Variants in SH3D21 observed in about 807,000 individuals in gnomAD.
SH3D21 encodes manchette microtubule inner protein 1.
SH3D21 carries 83 observed loss-of-function variants against 82.1 expected under a neutral mutation model. The observed-to-expected ratio is 1.01, with a 90% CI of 0.85 to 1.21. The LOEUF is 1.21. Ranked by LOEUF, SH3D21 falls within the 50% of genes most tolerant of loss-of-function variation. SH3D21 has a pLI of 0.00. For missense variants in SH3D21, 980 were observed against 962.1 expected, an observed-to-expected ratio of 1.02 and a Z score of -0.25; for synonymous variants, 383 against 387.8, an observed-to-expected ratio of 0.99 and a Z score of 0.15.
At chr1:36,308,083 A>C (rs1392684083) in intron 7 of SH3D21, 26 bp from the exon 8 acceptor site, 14 of 1,545,464 alleles carry the variant, frequency 9.1e-6, no homozygotes, top group Non-Finnish European at 1.2e-5. Flanking sequence ...TTGGCTTCAG[A>C]GGACAGTGGA....
At chr1:36,316,763 CTTTTT>C (rs34474512) in intron 10 of SH3D21, among the ~76,000 whole-genome samples, 1 of 135,690 alleles carries the variant, frequency 7.4e-6, no homozygotes, top group Admixed American at 7.3e-5. Flanking sequence ...AGTTCTCTCT[CTTTTT>C]TTTTTTTTTT....
rs1026978593 is a variant in SH3D21, at chr1:36,308,158, C to T, written c.588C>T (p.Ala196=). The change falls in exon 8 of 16, where the codon GCC becomes GCT. Residue 196 remains alanine (A), a synonymous_variant. Transcript: ENST00000453908. ...YRVLFDYQPE[A]PDELALRRGD... ...TCCTGTTTGACTACCAGCCTGAGGC[C>T]CCAGACGAGTTGGCGCTGCGGAGGG... is the stretch of plus-strand genomic sequence containing the variant. 9.0e-6 allele frequency: 14 copies of T among 1,549,694 alleles called. No individual in the cohort carries two copies. In the Admixed American group the frequency reaches 2.4e-4, roughly 26 times the overall value.
chr1:36,322,833 C>G, downstream of SH3D21: 1 of 1,490,890 alleles, frequency 6.7e-7, no homozygotes, highest in East Asian at 2.3e-5. Context: ...GTAACCCCTA[C>G]TCGAAGGGCA....
rs1485386155 is a variant in SH3D21, at chr1:36,320,508, G to A, written c.1845G>A (p.Glu615=). ...PPNEQRPLRE[E]VLPKEGVASK... ...ACGAGCAGAGGCCTCTGAGAGAGGAGGTGCTCCCCAAAGAGGGAGTGGCTT... is the reference window on the plus strand; with the variant it reads ...ACGAGCAGAGGCCTCTGAGAGAGGAAGTGCTCCCCAAAGAGGGAGTGGCTT... The change falls in exon 14 of 16, where the codon GAG becomes GAA. Residue 615 remains glutamate, a synonymous_variant. Coordinates refer to ENST00000453908, the MANE Select transcript of SH3D21 (RefSeq NM_001162530.2). 6.2e-7 allele frequency: 1 copy of A among 1,614,052 alleles called. No homozygotes were observed. Among genetic ancestry groups the A allele is most frequent in the East Asian group, 2.2e-5 (1 of 44,882 alleles).
rs978499787 is a variant in SH3D21 at position 36,308,191 on chromosome 1, G to A, written c.621G>A (p.Val207=). ...PDELALRRGD[V]VKVLSKTTED... ...AGTTGGCGCTGCGGAGGGGGGACGT[G>A]GTAAAAGTACTCAGCAAGGTGTGAG... The change falls in exon 8 of 16, where the codon GTG becomes GTA. Residue 207 remains valine, a synonymous_variant. Coordinates refer to ENST00000453908, the MANE Select transcript of SH3D21 (RefSeq NM_001162530.2). The A allele has an allele frequency of 1.9e-6, 3 of 1,542,756 alleles. No individual in the cohort carries two copies. In the African/African-American group the frequency reaches 4.1e-5, roughly 21 times the overall value.
downstream of SH3D21, chr1:36,322,453 T>A (rs532076353): frequency 2.5e-6 from 4 of 1,604,678 alleles, no homozygotes; most frequent in Non-Finnish European, 3.4e-6. Context: ...TCCGCCGACG[T>A]GAAGACGTTG....
At position 36,306,827 on chromosome 1, in the gene SH3D21, T is replaced by C; in HGVS notation, c.163-15T>C. The C allele has an allele frequency of 7.7e-7, 1 of 1,295,358 alleles. No homozygotes were observed. Among genetic ancestry groups the C allele is most frequent in the South Asian group, 1.2e-5 (1 of 80,750 alleles). 80.2% of individuals were successfully genotyped at this position (1,295,358 alleles called of 1,614,324 possible). On this transcript the variant is annotated splice_polypyrimidine_tract_variant and intron_variant, in intron 2 of 15. Transcript: ENST00000453908. The surrounding 1 kb of genome is among the most constrained non-coding windows in gnomAD (Gnocchi z 4.5). ...CCGGGAGCTGAGAGCGCCTTCCCCG[T>C]GCCCTGATTCCCAGGAGATCCCAGA... is the stretch of plus-strand genomic sequence containing the variant.
At chr1:36,327,570 A>T, downstream of SH3D21, 1 of 897,558 alleles carries the variant, frequency 1.1e-6, no homozygotes, top group Non-Finnish European at 1.5e-6. Context: ...AGGCAAAAGT[A>T]TGTTTGTGTC....
chr1:36,322,044 G>A, downstream of SH3D21: 9 of 1,309,858 alleles, frequency 6.9e-6, no homozygotes, highest in Non-Finnish European at 8.7e-6. Context: ...TGAGAATGCA[G>A]CTTTCTTTCA....
At chr1:36,309,194 ATTT>A (rs762272484) in intron 9 of SH3D21, among the ~76,000 whole-genome samples, 1 of 141,536 alleles carries the variant, frequency 7.1e-6, no homozygotes. Flanking sequence ...AGCATTTTAG[ATTT>A]TTTTTTTTTT....
chr1:36,322,701 T>C, downstream of SH3D21: 1 of 1,546,306 alleles, frequency 6.5e-7, no homozygotes. Context: ...CAGCACGAAG[T>C]AGAGGCCGAA....
chr1:36,314,275 C>T (rs570072634), intron 10 of SH3D21, among the ~76,000 whole-genome samples: 17 of 150,856 alleles, frequency 1.1e-4, no homozygotes, highest in South Asian at 2.1e-4. Flanking sequence ...GCGCCCGGCC[C>T]GATGCTGAGC....
intron 10 of SH3D21, among the ~76,000 whole-genome samples, chr1:36,311,188 C>T (rs902243829): frequency 2.6e-5 from 4 of 151,950 alleles, no homozygotes; most frequent in South Asian, 2.1e-4. Context: ...GGATTACAAG[C>T]GTGAGCCACC....
chr1:36,322,862 G>T, downstream of SH3D21: 1 of 1,519,800 alleles, frequency 6.6e-7, no homozygotes, highest in Non-Finnish European at 9.0e-7. Flanking sequence ...CCGCCAGCGG[G>T]CAAGAGGGCG....
chr1:36,322,507 G>T, downstream of SH3D21: 2 of 1,601,902 alleles, frequency 1.2e-6, no homozygotes, highest in Non-Finnish European at 8.5e-7. Flanking sequence ...TCGGGGCCCG[G>T]CAGCGTGTCG....
rs371850468 is a variant in SH3D21 at position 36,320,648 on chromosome 1, C to T, written c.1985C>T (p.Pro662Leu). 6.2e-5 allele frequency: 100 copies of T among 1,614,144 alleles called. No homozygotes were observed. Among genetic ancestry groups the T allele is most frequent in the Non-Finnish European group, 7.8e-5 (92 of 1,180,054 alleles). ...GCCCAAAAAACACGTCCTATCAAGC[C>T]GCCTCCAGACTCCCAAGAGACGCTC... ...AFAQKTRPIK[P>L]PPDSQETLAL... Residue 662 changes from proline (P) to leucine (L), a missense_variant, in exon 14 of 16, where the codon CCG (proline) becomes CTG (leucine). Physicochemically the swap from Pro to Leu is moderately conservative, Grantham distance 98. Transcript: ENST00000453908.
In SH3D21 at chr1:36,306,981, A is replaced by T; in HGVS notation, c.226+76A>T. 1.5e-6 allele frequency: 2 copies of T among 1,366,648 alleles called. No individual in the cohort carries two copies. The highest frequency in any genetic ancestry group is 1.5e-5 in the African/African-American group (1 of 66,472). The allele number at this position is 1,366,648 out of a possible 1,614,324, so 84.7% of individuals were successfully genotyped here. On this transcript the variant is annotated intron_variant, in intron 3 of 15. Transcript: ENST00000453908. This position sits in a 1 kb window ranked among gnomAD's most constrained non-coding sequence, Gnocchi z 4.5. ...TGCGACCCCGGCGTCTCCGGCTCTT[A>T]GTGACGGGCGCGGCTCTGGGCGGGA...
intron 10 of SH3D21, among the ~76,000 whole-genome samples, chr1:36,314,044 G>A (rs1466118342): frequency 1.6e-5 from 2 of 124,140 alleles, no homozygotes; most frequent in African/African-American, 6.0e-5. Flanking sequence ...GTGCGATCTT[G>A]GCTCACTGCA....
At chr1:36,314,338 C>T (rs1344282678) in intron 10 of SH3D21, among the ~76,000 whole-genome samples, 3 of 151,220 alleles carry the variant, frequency 2.0e-5, no homozygotes, top group Non-Finnish European at 2.9e-5. Flanking sequence ...GATCCTTTGC[C>T]CATTTAAAAA....
Sources: gnomAD v4.1 joint callset for allele counts (sites outside exome capture counted in the v4.1 genomes callset) on GRCh38, gnomAD v4.1.1 for gene constraint, Gnocchi (gnomAD v3.1) non-coding constraint, MANE v1.5 for transcripts, NCBI Gene and HGNC (gene_info 2026-07-23, HGNC 2026-07-21) for gene names.